Variants in DRC11 observed in about 807,000 individuals in gnomAD.
DRC11 encodes the protein IQ and AAA domain-containing protein 1.
the DRC11 span, among the ~76,000 whole-genome samples, chr2:236,375,429 C>T: frequency 6.6e-6 from 1 of 152,192 alleles, no homozygotes; most frequent in African/African-American, 2.4e-5. The surrounding 1 kb of genome is among the most constrained non-coding windows in gnomAD (Gnocchi z 4.2). Context: ...CTGTTAAAAA[C>T]AGCCATTTTA....
chr2:236,431,097 C>T, the DRC11 span, among the ~76,000 whole-genome samples: 1 of 152,146 alleles, frequency 6.6e-6, no homozygotes, highest in Admixed American at 6.5e-5. This position sits in a 1 kb window ranked among gnomAD's most constrained non-coding sequence, Gnocchi z 4.2. Context: ...AATTTTTCAG[C>T]AAGTATATCA....
the DRC11 span, among the ~76,000 whole-genome samples, chr2:236,318,636 GTGTT>G: frequency 7.6e-6 from 1 of 131,602 alleles, no homozygotes; most frequent in Non-Finnish European, 1.5e-5. The surrounding 1 kb of genome is among the most constrained non-coding windows in gnomAD (Gnocchi z 7.0). Flanking sequence ...TATATCGTTT[GTGTT>G]TGTATGTGTG....
chr2:236,474,318 C>A, the DRC11 span, among the ~76,000 whole-genome samples: 6 of 152,144 alleles, frequency 3.9e-5, no homozygotes, highest in South Asian at 1.2e-3. Context: ...AAACTTCATT[C>A]ATTTGAGCTG....
the DRC11 span, among the ~76,000 whole-genome samples, chr2:236,348,267 G>A: frequency 6.6e-6 from 1 of 152,194 alleles, no homozygotes; most frequent in East Asian, 1.9e-4. The surrounding 1 kb of genome is among the most constrained non-coding windows in gnomAD (Gnocchi z 7.4). Flanking sequence ...TGCCACAGGA[G>A]GGAAATCCAG....
the DRC11 span, among the ~76,000 whole-genome samples, chr2:236,459,554 T>TATATAC: frequency 1.7e-5 from 2 of 116,836 alleles, no homozygotes; most frequent in African/African-American, 6.6e-5. Flanking sequence ...TACGTATACA[T>TATATAC]GTATACGTAT....
the DRC11 span, among the ~76,000 whole-genome samples, chr2:236,327,733 A>G: frequency 1.3e-5 from 2 of 151,978 alleles, no homozygotes; most frequent in Non-Finnish European, 2.9e-5. Flanking sequence ...CCCAGGCTGG[A>G]GTGCAATGGC....
At chr2:236,415,694 T>C in the DRC11 span, among the ~76,000 whole-genome samples, 3 of 152,234 alleles carry the variant, frequency 2.0e-5, no homozygotes, top group African/African-American at 7.2e-5. This position sits in a 1 kb window ranked among gnomAD's most constrained non-coding sequence, Gnocchi z 5.7. Flanking sequence ...TAAACTTTGC[T>C]TTTTGTTCAA....
At chr2:236,497,202 A>C in the DRC11 span, 7 of 1,612,640 alleles carry the variant, frequency 4.3e-6, no homozygotes, top group Non-Finnish European at 5.9e-6. The surrounding 1 kb of genome is among the most constrained non-coding windows in gnomAD (Gnocchi z 5.1). Flanking sequence ...CATCGAAATA[A>C]TGGAACTCCG....
the DRC11 span, among the ~76,000 whole-genome samples, chr2:236,439,020 C>T: frequency 4.0e-5 from 6 of 149,250 alleles, no homozygotes; most frequent in East Asian, 1.9e-4. Context: ...TTGAAACCAA[C>T]GAGAACAAAG....
the DRC11 span, among the ~76,000 whole-genome samples, chr2:236,414,419 G>C: frequency 6.6e-6 from 1 of 152,182 alleles, no homozygotes; most frequent in African/African-American, 2.4e-5. Flanking sequence ...AGTTTACCTA[G>C]AGATTCATTT....
chr2:236,453,114 T>C, the DRC11 span, among the ~76,000 whole-genome samples: 1 of 152,160 alleles, frequency 6.6e-6, no homozygotes, highest in Non-Finnish European at 1.5e-5. This position sits in a 1 kb window ranked among gnomAD's most constrained non-coding sequence, Gnocchi z 4.9. Context: ...CAGCAACCCC[T>C]CCTCATTGAT....
At chr2:236,471,696 T>A in the DRC11 span, among the ~76,000 whole-genome samples, 2 of 152,140 alleles carry the variant, frequency 1.3e-5, no homozygotes, top group Admixed American at 6.5e-5. The surrounding 1 kb of genome is among the most constrained non-coding windows in gnomAD (Gnocchi z 4.6). Context: ...TATTACTACC[T>A]CCATTTTGCA....
chr2:236,482,324 C>T, the DRC11 span, among the ~76,000 whole-genome samples: 55 of 152,080 alleles, frequency 3.6e-4, no homozygotes, highest in African/African-American at 1.3e-3. This position sits in a 1 kb window ranked among gnomAD's most constrained non-coding sequence, Gnocchi z 4.5. Flanking sequence ...AAGTTATTCC[C>T]AATTTTTTCG....
At chr2:236,507,474 C>CAAA in the DRC11 span, 1 of 590,828 alleles carries the variant, frequency 1.7e-6, no homozygotes. Flanking sequence ...GCACGGAGCG[C>CAAA]GCAGGCGCAG....
At chr2:236,475,692 C>T in the DRC11 span, among the ~76,000 whole-genome samples, 9 of 152,028 alleles carry the variant, frequency 5.9e-5, 1 homozygote, top group Non-Finnish European at 1.0e-4. This position sits in a 1 kb window ranked among gnomAD's most constrained non-coding sequence, Gnocchi z 4.8. Context: ...ACATTCTTGC[C>T]GGAATCCATT....
the DRC11 span, among the ~76,000 whole-genome samples, chr2:236,445,539 C>T: frequency 6.6e-6 from 1 of 151,692 alleles, no homozygotes; most frequent in East Asian, 1.9e-4. This position sits in a 1 kb window ranked among gnomAD's most constrained non-coding sequence, Gnocchi z 4.8. Context: ...AGGGCTTCAC[C>T]ATGCTGGCCA....
At chr2:236,399,530 G>C in the DRC11 span, 9 of 1,528,332 alleles carry the variant, frequency 5.9e-6, no homozygotes, top group Non-Finnish European at 8.2e-6. This position sits in a 1 kb window ranked among gnomAD's most constrained non-coding sequence, Gnocchi z 7.0. Flanking sequence ...AGGCAAGACC[G>C]GGCAGCAAAA....
the DRC11 span, among the ~76,000 whole-genome samples, chr2:236,351,900 T>TGGGCAGCA: frequency 6.6e-6 from 1 of 150,870 alleles, no homozygotes; most frequent in Non-Finnish European, 1.5e-5. The surrounding 1 kb of genome is among the most constrained non-coding windows in gnomAD (Gnocchi z 7.3). Context: ...CATGAGCCCC[T>TGGGCAGCA]GGGCAGCAGG....
At chr2:236,356,727 G>A in the DRC11 span, among the ~76,000 whole-genome samples, 6 of 151,752 alleles carry the variant, frequency 4.0e-5, no homozygotes, top group African/African-American at 7.3e-5. Context: ...AGCCCTTCCC[G>A]CTCCGCTGTC....
Sources: gnomAD v4.1 joint callset for allele counts (sites outside exome capture counted in the v4.1 genomes callset) on GRCh38, gnomAD v4.1.1 for gene constraint, Gnocchi (gnomAD v3.1) non-coding constraint, MANE v1.5 for transcripts, NCBI Gene and HGNC (gene_info 2026-07-23, HGNC 2026-07-21) for gene names.